USP34: variants seen among roughly 807,000 people sequenced by gnomAD.
The protein encoded by USP34 is ubiquitin specific peptidase 34.
A neutral mutation model predicts 460.3 loss-of-function variants in USP34; 70 were observed. The ratio of observed to expected loss-of-function variants is 0.15; its 90% CI spans 0.13 to 0.19. The LOEUF is 0.19. Ranked by LOEUF, USP34 falls within the 10% of genes least tolerant of loss-of-function variation. USP34 has a pLI of 1.00. For missense variants in USP34, 3,985 were observed against 4,236.2 expected, an observed-to-expected ratio of 0.94 and a Z score of 1.65; for synonymous variants, 1,647 against 1,405.3, an observed-to-expected ratio of 1.17 and a Z score of -3.85.
intron 18 of USP34, among the ~76,000 whole-genome samples, chr2:61,335,170 T>C (rs1691379768): frequency 6.6e-6 from 1 of 152,138 alleles, no homozygotes; most frequent in Non-Finnish European, 1.5e-5. Context: ...TATGTTTCAA[T>C]GAAAAAGGAA....
At chr2:61,347,566 G>A (rs1299807111) in intron 15 of USP34, among the ~76,000 whole-genome samples, 1 of 152,096 alleles carries the variant, frequency 6.6e-6, no homozygotes, top group Non-Finnish European at 1.5e-5. Flanking sequence ...TAGAGATGGG[G>A]TTTCACCATG....
intron 27 of USP34, among the ~76,000 whole-genome samples, chr2:61,302,103 A>G (rs1315839910): frequency 6.6e-6 from 1 of 152,244 alleles, no homozygotes; most frequent in African/African-American, 2.4e-5. Flanking sequence ...AGACATTCAA[A>G]TTAAGTATTG....
Position 61,220,374 on chromosome 2 carries a change from T to G in USP34, c.7983A>C (p.Leu2661Phe), listed in dbSNP as rs932679301. Residue 2661 changes from leucine to phenylalanine, a missense_variant, in exon 67 of 80, where the codon TTA (leucine) becomes TTC (phenylalanine). By Grantham distance (22) the Leu-to-Phe change is conservative. Around this residue, in one of 14 missense-constraint regions of USP34, gnomAD observed 604 missense variants for 684.8 expected, o/e 0.88. Coordinates refer to ENST00000398571, the MANE Select transcript of USP34 (RefSeq NM_014709.4). Reference sequence around the variant, plus strand: ...GCTCGACCCAGTTTTCCATATTCTGTAAGACCCAGCTGTGTGCCAGTTTAT... The same window carrying G: ...GCTCGACCCAGTTTTCCATATTCTGGAAGACCCAGCTGTGTGCCAGTTTAT... ...PRNKLAHSWV[L>F]QNMENWVERF... 1.2e-6 allele frequency: 2 copies of G among 1,613,882 alleles called. No homozygotes were observed. The highest frequency in any genetic ancestry group is 1.7e-6 in the Non-Finnish European group (2 of 1,179,948).
intron 25 of USP34, 134 bp from the exon 26 acceptor site, chr2:61,312,044 A>C (rs531387505): frequency 6.5e-6 from 7 of 1,082,130 alleles, no homozygotes; most frequent in Non-Finnish European, 1.3e-6. Context: ...ATTCTACAGC[A>C]ACAAATTTAA....
At chr2:61,342,493 G>A (rs563123382) in intron 16 of USP34, among the ~76,000 whole-genome samples, 2 of 150,816 alleles carry the variant, frequency 1.3e-5, no homozygotes, top group African/African-American at 4.9e-5. Context: ...TGTATTTTTA[G>A]TAGGGATGGG....
chr2:61,430,963 C>T (rs187376513), intron 1 of USP34, among the ~76,000 whole-genome samples: 6 of 151,938 alleles, frequency 3.9e-5, no homozygotes, highest in Admixed American at 2.0e-4. Context: ...TATGATCGTG[C>T]GCCCCTGCAC....
intron 21 of USP34, among the ~76,000 whole-genome samples, chr2:61,323,287 G>A (rs926694732): frequency 2.0e-5 from 3 of 152,070 alleles, no homozygotes; most frequent in African/African-American, 4.8e-5. Flanking sequence ...CGAGGCGGGC[G>A]GATCACGAGG....
intron 48 of USP34, among the ~76,000 whole-genome samples, chr2:61,254,020 C>T (rs556086210): frequency 4.6e-5 from 7 of 152,340 alleles, no homozygotes; most frequent in Middle Eastern, 3.4e-3. Flanking sequence ...CAGGCATGTG[C>T]CACCGTGCCT....
chr2:61,257,855 C>T (rs1018107275), intron 44 of USP34, among the ~76,000 whole-genome samples: 42 of 152,222 alleles, frequency 2.8e-4, no homozygotes, highest in African/African-American at 1.0e-3. Context: ...AGCCTGGCAA[C>T]AGCAAGACTC....
Position 61,230,408 on chromosome 2 carries a change from C to A in USP34, c.7114-775G>T, listed in dbSNP as rs545262173. 5.3e-5 allele frequency among the ~76,000 whole-genome samples: 8 copies of A among 152,228 alleles called. No homozygotes were observed. The East Asian group carries it at 1.4e-3, about 26-fold the overall frequency. ...GGGCGTGGTGGTGGGCACCTGTAAT[C>A]TCAGCTAAGGAAGCTGAGGCAGGGA... On this transcript the variant is annotated intron_variant, in intron 58 of 79. Transcript: ENST00000398571.
intron 10 of USP34, among the ~76,000 whole-genome samples, chr2:61,351,409 ATT>A (rs1294283004): frequency 6.6e-6 from 1 of 152,166 alleles, no homozygotes; most frequent in African/African-American, 2.4e-5. Context: ...AAACATGTAA[ATT>A]CATGAGGGAC....
At chr2:61,274,031 AAC>A (rs1450135171) in intron 41 of USP34, among the ~76,000 whole-genome samples, 1 of 151,984 alleles carries the variant, frequency 6.6e-6, no homozygotes, top group African/African-American at 2.4e-5. Context: ...TTAAAAGTAT[AAC>A]ACAGTATCTA....
chr2:61,455,493 G>C (rs568907741), intron 1 of USP34, among the ~76,000 whole-genome samples: 8 of 152,106 alleles, frequency 5.3e-5, no homozygotes, highest in African/African-American at 1.9e-4. Context: ...CTCAAAGATA[G>C]CCAGGTGCAG....
At position 61,405,816 on chromosome 2, in the gene USP34, T is replaced by C; in HGVS notation, c.444A>G (p.Leu148=). Residue 148 remains leucine, a synonymous_variant, in exon 3 of 80, where the codon TTA becomes TTG. Coordinates refer to ENST00000398571, the MANE Select transcript of USP34 (RefSeq NM_014709.4). ...ESSKSSDPFS[L]WSTDEKEKLL... ...GTTTTTCCTTCTCATCTGTACTCCA[T>C]AAACTAAAAGGATCAGAACTCTTTG... is the stretch of plus-strand genomic sequence containing the variant. 1 of 1,613,634 alleles carries C rather than the reference T, an allele frequency of 6.2e-7. No homozygotes were observed. The highest frequency in any genetic ancestry group is 8.5e-7 in the Non-Finnish European group (1 of 1,179,888).
intron 10 of USP34, among the ~76,000 whole-genome samples, chr2:61,360,784 T>G (rs1301169795): frequency 6.6e-6 from 1 of 152,140 alleles, no homozygotes; most frequent in Non-Finnish European, 1.5e-5. Flanking sequence ...GCCTCCCAAG[T>G]AGCTGGGACT....
chr2:61,210,779 A>C lies in USP34; in HGVS notation c.8840+993T>G, dbSNP rs1572838384. Among the ~76,000 whole-genome samples, 3 of 152,118 alleles carry C rather than the reference A, an allele frequency of 2.0e-5. No homozygotes were observed. The East Asian group carries it at 5.8e-4, about 29-fold the overall frequency. On this transcript the variant is annotated intron_variant, in intron 69 of 79. Coordinates refer to ENST00000398571, the MANE Select transcript of USP34 (RefSeq NM_014709.4). ...CAGGCTGGAGTACAATGGCACAATC[A>C]TGGCTCACTGCAGCTTCCACCTTTT...
At chr2:61,406,981 G>A (rs908918458) in intron 2 of USP34, among the ~76,000 whole-genome samples, 1 of 152,166 alleles carries the variant, frequency 6.6e-6, no homozygotes, top group African/African-American at 2.4e-5. Flanking sequence ...CTGCACTCCA[G>A]CCTGGGCAAC....
At chr2:61,207,761 A>G (rs914834068) in intron 70 of USP34, 3 of 152,034 alleles carry the variant, frequency 2.0e-5, no homozygotes, top group African/African-American at 7.3e-5. Flanking sequence ...ACTCCTCTTC[A>G]CCTACCTTTT....
At chr2:61,333,048 T>TC (rs1262652745) in intron 19 of USP34, among the ~76,000 whole-genome samples, 1 of 152,028 alleles carries the variant, frequency 6.6e-6, no homozygotes, top group Non-Finnish European at 1.5e-5. Flanking sequence ...AGTCGAATTT[T>TC]CCCTAAAATT....
Sources: gnomAD v4.1 joint callset for allele counts (sites outside exome capture counted in the v4.1 genomes callset) on GRCh38, gnomAD v4.1.1 for gene constraint, gnomAD v4.1.1 regional missense constraint, MANE v1.5 for transcripts, NCBI Gene and HGNC (gene_info 2026-07-23, HGNC 2026-07-21) for gene names.